NBAS: variants seen among roughly 807,000 people sequenced by gnomAD.
NBAS encodes NBAS subunit of NRZ tethering complex, also known as NAG/BC035112 fusion.
In NBAS, 219 loss-of-function variants were observed where a neutral mutation model predicts 302.5. The ratio of observed to expected loss-of-function variants is 0.72; its 90% CI spans 0.65 to 0.81. The LOEUF is 0.81. NBAS is among the 30% of genes least tolerant of loss of function. NBAS has a pLI of 0.00. For missense variants in NBAS, 2,932 were observed against 2,841.6 expected (o/e 1.03, Z -0.72); for synonymous variants, 1,118 against 1,021.6 (o/e 1.09, Z -1.80).
At chr2:14,969,958 T>A in the NBAS span, among the ~76,000 whole-genome samples, 1 of 152,172 alleles carries the variant, frequency 6.6e-6, no homozygotes, top group Non-Finnish European at 1.5e-5. Context: ...CAGGAGAATA[T>A]CTGAAACTTG....
chr2:15,535,569 T>A (rs1029354572), intron 8 of NBAS, among the ~76,000 whole-genome samples: 9 of 139,590 alleles, frequency 6.4e-5, no homozygotes, highest in Non-Finnish European at 1.2e-4. Flanking sequence ...TAAATAAAAA[T>A]AAAAAAATAA....
At chr2:15,106,127 T>C in the NBAS span, among the ~76,000 whole-genome samples, 1 of 152,152 alleles carries the variant, frequency 6.6e-6, no homozygotes, top group Non-Finnish European at 1.5e-5. Context: ...CTGCAAGCTC[T>C]AAATCAAATG....
chr2:15,465,498 C>T (rs138027198), intron 19 of NBAS, among the ~76,000 whole-genome samples: 1 of 152,144 alleles, frequency 6.6e-6, no homozygotes, highest in African/African-American at 2.4e-5. Flanking sequence ...CAATATCTTG[C>T]GTTTAGGAGG....
chr2:14,971,735 G>A, the NBAS span, among the ~76,000 whole-genome samples: 9 of 152,116 alleles, frequency 5.9e-5, no homozygotes, highest in Non-Finnish European at 2.9e-5. Flanking sequence ...AGTCCACCAC[G>A]GTGACTCACC....
Position 15,199,896 on chromosome 2 carries a change from ATTTT to A in NBAS, c.6433-9497_6433-9494del, listed in dbSNP as rs35760010. Among the ~76,000 whole-genome samples, 332 of 121,408 alleles carry A rather than the reference ATTTT, an allele frequency of 2.7e-3. 4 individuals are homozygous for A. Among genetic ancestry groups the A allele is most frequent in the African/African-American group, 0.01 (322 of 31,218 alleles). The allele number at this position is 121,408 out of a possible 152,430, so 79.6% of individuals were successfully genotyped here. On this transcript the variant is annotated intron_variant, in intron 48 of 51. Transcript: ENST00000281513. Reference sequence around the variant, plus strand: ...CCAAACATTAAAAACAGAAAGCTGGATTTTTTTTTTTTTTTTTTTTTTTGAGACA... The same window carrying A: ...CCAAACATTAAAAACAGAAAGCTGGATTTTTTTTTTTTTTTTTTTGAGACA...
chr2:14,796,731 A>C, the NBAS span, among the ~76,000 whole-genome samples: 1 of 151,836 alleles, frequency 6.6e-6, no homozygotes, highest in Non-Finnish European at 1.5e-5. Context: ...CTGAGTGAGA[A>C]CTTCTATTCC....
the NBAS span, among the ~76,000 whole-genome samples, chr2:15,102,362 C>T: frequency 6.6e-6 from 1 of 152,138 alleles, no homozygotes; most frequent in South Asian, 2.1e-4. Context: ...CTGCAGACAC[C>T]CTCCACCCAG....
intron 19 of NBAS, among the ~76,000 whole-genome samples, chr2:15,463,056 T>G (rs1679573317): frequency 1.3e-5 from 2 of 152,178 alleles, no homozygotes; most frequent in South Asian, 4.1e-4. Flanking sequence ...GAGGATCGCT[T>G]GAGCCCAAGA....
the NBAS span, among the ~76,000 whole-genome samples, chr2:14,928,486 A>G: frequency 2.6e-5 from 4 of 152,210 alleles, no homozygotes; most frequent in Admixed American, 6.5e-5. Flanking sequence ...TGTATATGAG[A>G]TCTAGTCATA....
In NBAS at chr2:15,227,037, T is replaced by A. The variant is rs56981087; in HGVS notation, c.6236+5385A>T. On this transcript the variant is annotated intron_variant, in intron 47 of 51. Coordinates refer to ENST00000281513, the MANE Select transcript of NBAS (RefSeq NM_015909.4). ...TTTTTTCTCATTAAGTATGATGCTA[T>A]GGGTTTGACACAGATGGCCTTTACT... Among the ~76,000 whole-genome samples the A allele has an allele frequency of 3.6e-3, 553 of 152,308 alleles. 5 individuals are homozygous for A. Among genetic ancestry groups the A allele is most frequent in the African/African-American group, 0.012 (508 of 41,568 alleles).
intron 40 of NBAS, among the ~76,000 whole-genome samples, chr2:15,295,089 C>A (rs1225335466): frequency 6.6e-6 from 1 of 152,160 alleles, no homozygotes; most frequent in African/African-American, 2.4e-5. Context: ...TTTATTATCT[C>A]CAAGATTTAA....
intron 21 of NBAS, among the ~76,000 whole-genome samples, chr2:15,445,883 A>G (rs1678710641): frequency 6.9e-6 from 1 of 145,284 alleles, no homozygotes; most frequent in Non-Finnish European, 1.5e-5. Flanking sequence ...TCAAACTTCT[A>G]GGAATGAAAA....
At chr2:14,988,449 G>T in the NBAS span, among the ~76,000 whole-genome samples, 1 of 152,136 alleles carries the variant, frequency 6.6e-6, no homozygotes, top group South Asian at 2.1e-4. Context: ...TTTTCAAAAT[G>T]GTTTAATGAC....
chr2:14,781,562 C>T, the NBAS span, among the ~76,000 whole-genome samples: 8 of 151,854 alleles, frequency 5.3e-5, 1 homozygote, highest in African/African-American at 1.7e-4. Flanking sequence ...AATCCAAAGG[C>T]AAGGCTGCAG....
At chr2:15,089,004 C>T in the NBAS span, among the ~76,000 whole-genome samples, 1 of 152,160 alleles carries the variant, frequency 6.6e-6, no homozygotes, top group African/African-American at 2.4e-5. Flanking sequence ...ATCCCTGCAG[C>T]CTCCTGGCCT....
At chr2:15,382,961 GAA>G (rs1675114351) in intron 29 of NBAS, among the ~76,000 whole-genome samples, 1 of 152,114 alleles carries the variant, frequency 6.6e-6, no homozygotes, top group Non-Finnish European at 1.5e-5. Context: ...ATGGAAGTGA[GAA>G]AAGTCAAGTA....
At chr2:15,541,179 T>C (rs765579878) in intron 6 of NBAS, among the ~76,000 whole-genome samples, 5 of 152,212 alleles carry the variant, frequency 3.3e-5, no homozygotes, top group Non-Finnish European at 5.9e-5. Flanking sequence ...ACCTCTTTCA[T>C]AGCATTTATC....
Position 15,379,784 on chromosome 2 carries a change from G to GTGGA in NBAS, c.3404_3407dup (p.Leu1137ProfsTer23). On this transcript the variant is annotated frameshift_variant, in exon 30 of 52. Coordinates refer to ENST00000281513, the MANE Select transcript of NBAS (RefSeq NM_015909.4). LOFTEE classifies it high-confidence loss of function. ...TGCAGTGCATCATCTGTCCAGCCAGGTGGATGTTTTCAAGGCGACTAGAGC... is the reference window on the plus strand; with the variant it reads ...TGCAGTGCATCATCTGTCCAGCCAGGTGGATGGATGTTTTCAAGGCGACTAGAGC... The GTGGA allele has an allele frequency of 6.2e-7, 1 of 1,614,068 alleles. No homozygotes were observed. Among genetic ancestry groups the GTGGA allele is most frequent in the African/African-American group, 1.3e-5 (1 of 75,026 alleles).
chr2:14,961,043 T>A, the NBAS span, among the ~76,000 whole-genome samples: 1 of 151,752 alleles, frequency 6.6e-6, no homozygotes, highest in East Asian at 1.9e-4. Context: ...GGAGAAGACA[T>A]TGTTCTCCCA....
Sources: allele counts gnomAD v4.1 joint callset (sites outside exome capture counted in the v4.1 genomes callset), GRCh38; gene constraint gnomAD v4.1.1; transcripts MANE v1.5; gene names NCBI Gene and HGNC (gene_info 2026-07-23, HGNC 2026-07-21).